The following RBFOX1 variants were observed in gnomAD, a reference collection of about 807,000 sequenced individuals.
RBFOX1 encodes the protein RNA binding protein fox-1 homolog 1.
In RBFOX1, 8 loss-of-function variants were observed where a neutral mutation model predicts 57.7. The ratio of observed to expected loss-of-function variants is 0.14; its 90% confidence interval spans 0.08 to 0.25. The LOEUF (loss-of-function observed/expected upper bound fraction) is 0.25. Among genes scored for constraint, RBFOX1 ranks in the 10% least tolerant of loss-of-function variants. RBFOX1 has a pLI of 1.00. For synonymous variants in RBFOX1, 326 were observed against 222.4 expected, an observed-to-expected ratio of 1.47 and a Z score of -4.15; for missense variants, 611 against 548.5, an observed-to-expected ratio of 1.11 and a Z score of -1.14.
At chr16:7,538,211 C>G (rs113813406) in intron 5 of RBFOX1, among the ~76,000 whole-genome samples, 2,002 of 152,286 alleles carry the variant, frequency 0.013, 26 homozygotes, top group Admixed American at 0.023. Context: ...AAGGCTATCT[C>G]GTGCCTGGGC....
At chr16:6,005,323 C>T (rs1459167503) in intron 4 of RBFOX1, among the ~76,000 whole-genome samples, 1 of 152,210 alleles carries the variant, frequency 6.6e-6, no homozygotes, top group African/African-American at 2.4e-5. Context: ...ATAAGCCCAT[C>T]TGGACACTCA....
chr16:6,829,174 C>T (rs1310880798), intron 3 of RBFOX1, among the ~76,000 whole-genome samples: 3 of 149,866 alleles, frequency 2.0e-5, no homozygotes, highest in Non-Finnish European at 4.4e-5. Flanking sequence ...TTTCAAGAAA[C>T]CAAAGAAATG....
intron 2 of RBFOX1, among the ~76,000 whole-genome samples, chr16:6,606,916 C>G (rs1345273491): frequency 6.6e-6 from 1 of 152,128 alleles, no homozygotes; most frequent in African/African-American, 2.4e-5. Flanking sequence ...TGTTCTGAAT[C>G]TTTGAGGAAT....
intron 4 of RBFOX1, among the ~76,000 whole-genome samples, chr16:5,881,883 A>G (rs1221499468): frequency 1.3e-5 from 2 of 152,188 alleles, no homozygotes; most frequent in Non-Finnish European, 2.9e-5. Context: ...TTCTAAGCAC[A>G]TTTAAGGTAC....
intron 2 of RBFOX1, among the ~76,000 whole-genome samples, chr16:6,590,268 C>T (rs1007357175): frequency 5.3e-5 from 8 of 152,136 alleles, no homozygotes; most frequent in Admixed American, 3.3e-4. Context: ...AGAAATTGTA[C>T]TTTTCTCCCC....
intron 3 of RBFOX1, among the ~76,000 whole-genome samples, chr16:6,956,214 C>T (rs190144437): frequency 2.4e-4 from 36 of 152,192 alleles, no homozygotes; most frequent in Admixed American, 7.9e-4. Context: ...CACAGGAGAT[C>T]GTGCAGAGAG....
chr16:7,091,712 C>A (rs2060888905), intron 4 of RBFOX1, among the ~76,000 whole-genome samples: 2 of 152,278 alleles, frequency 1.3e-5, no homozygotes, highest in East Asian at 3.9e-4. Context: ...TCACCCCATC[C>A]TCAGTACTGG....
intron 4 of RBFOX1, among the ~76,000 whole-genome samples, chr16:7,159,306 C>A (rs1054606522): frequency 6.6e-6 from 1 of 152,114 alleles, no homozygotes; most frequent in East Asian, 1.9e-4. Flanking sequence ...ATTGTCACTG[C>A]GTCATGCCTA....
intron 1 of RBFOX1, among the ~76,000 whole-genome samples, chr16:6,284,583 G>C (rs951427697): frequency 6.6e-6 from 1 of 152,128 alleles, no homozygotes; most frequent in African/African-American, 2.4e-5. Flanking sequence ...ATATTTTATA[G>C]CTTTAAATAC....
chr16:6,931,285 C>G (rs1443743866), intron 3 of RBFOX1, among the ~76,000 whole-genome samples: 1 of 113,004 alleles, frequency 8.8e-6, no homozygotes, highest in Non-Finnish European at 1.8e-5. Flanking sequence ...ATCTATCTGT[C>G]TGTCTGTCTG....
intron 4 of RBFOX1, among the ~76,000 whole-genome samples, chr16:7,498,082 C>T (rs1054597987): frequency 1.3e-5 from 2 of 152,152 alleles, no homozygotes; most frequent in Non-Finnish European, 2.9e-5. Context: ...TGTTCTGTTC[C>T]GAAGCAGCCT....
At chr16:6,489,150 G>A (rs970739090) in intron 2 of RBFOX1, among the ~76,000 whole-genome samples, 1 of 151,986 alleles carries the variant, frequency 6.6e-6, no homozygotes. Flanking sequence ...GAGAAGTGCT[G>A]GAAAATGAAA....
At chr16:7,680,769 T>C (rs1162241084) in intron 14 of RBFOX1, among the ~76,000 whole-genome samples, 1 of 152,194 alleles carries the variant, frequency 6.6e-6, no homozygotes, top group African/African-American at 2.4e-5. Flanking sequence ...TTGCTACTTT[T>C]GTGTGACAAA....
chr16:6,423,783 G>A (rs542745992), intron 2 of RBFOX1, among the ~76,000 whole-genome samples: 2 of 152,224 alleles, frequency 1.3e-5, no homozygotes, highest in East Asian at 3.9e-4. Context: ...ACGCAGCACT[G>A]CAGGCCCAGG....
intron 4 of RBFOX1, among the ~76,000 whole-genome samples, chr16:7,438,162 A>G (rs755057617): frequency 7.9e-5 from 12 of 152,204 alleles, no homozygotes; most frequent in Non-Finnish European, 1.2e-4. Flanking sequence ...AAAAGATTAT[A>G]TAAGAAAAAT....
chr16:7,116,621 C>T (rs554813185), intron 4 of RBFOX1, among the ~76,000 whole-genome samples: 8 of 152,176 alleles, frequency 5.3e-5, no homozygotes, highest in African/African-American at 1.4e-4. Context: ...CAGCAGCTGT[C>T]CAGGGCTGCG....
At chr16:5,321,200 C>T (rs1445594943) in intron 1 of RBFOX1, among the ~76,000 whole-genome samples, 2 of 152,100 alleles carry the variant, frequency 1.3e-5, no homozygotes, top group East Asian at 1.9e-4. Flanking sequence ...CACTAGATGC[C>T]AGTAATACCA....
chr16:6,558,481 T>G (rs905387683), intron 2 of RBFOX1, among the ~76,000 whole-genome samples: 6 of 152,094 alleles, frequency 3.9e-5, no homozygotes, highest in Admixed American at 3.9e-4. Context: ...ACTGTATGAC[T>G]TGAGTCATCT....
chr16:5,427,336 G>T (rs1440409674), intron 1 of RBFOX1, among the ~76,000 whole-genome samples: 1 of 152,218 alleles, frequency 6.6e-6, no homozygotes, highest in Non-Finnish European at 1.5e-5. Flanking sequence ...TTTAATCCCA[G>T]CACTTTAGGA....
Sources: gnomAD v4.1 joint callset for allele counts (sites outside exome capture counted in the v4.1 genomes callset) on GRCh38, gnomAD v4.1.1 for gene constraint, MANE v1.5 for transcripts, NCBI Gene and HGNC (gene_info 2026-07-23, HGNC 2026-07-21) for gene names.